Variants in SIM1 observed in about 807,000 individuals in gnomAD.
SIM1 encodes the protein single-minded homolog 1.
Under a neutral mutation model 78.2 loss-of-function variants are expected in SIM1, and 18 were observed. That is an observed-to-expected ratio of 0.23 (90% CI 0.16 to 0.34). The LOEUF is 0.34. Ranked by LOEUF, SIM1 falls within the 10% of genes least tolerant of loss-of-function variation. The probability of loss-of-function intolerance (pLI) is 1.00; values close to 1 mark genes in which losing one functional copy is unlikely to be tolerated. For synonymous variants in SIM1, 417 were observed against 385.2 expected (o/e 1.08, Z -0.97); for missense variants, 939 against 975.1 (o/e 0.96, Z 0.49).
chr6:100,412,637 A>AAAG lies in SIM1; in HGVS notation c.1167+8152_1167+8153insCTT, dbSNP rs1245667524. 2.4e-3 allele frequency among the ~76,000 whole-genome samples: 224 copies of AAAG among 91,710 alleles called. 16 individuals carry two copies. Among genetic ancestry groups the AAAG allele is most frequent in the African/African-American group, 5.3e-3 (135 of 25,466 alleles). 60.2% of individuals were successfully genotyped at this position (91,710 alleles called of 152,430 possible). On this transcript the variant is annotated intron_variant, in intron 10 of 11. Transcript: ENST00000369208. ...GAAAGAAAGAAGGAAAGAAAGAAAG[A>AAAG]AAAGAAAGAAAGAAAGAAAGAGAGA...
chr6:100,453,832 G>T lies in SIM1; in HGVS notation c.188C>A (p.Ala63Glu). The T allele has an allele frequency of 6.2e-7, 1 of 1,611,442 alleles. No individual in the cohort carries two copies. The highest frequency in any genetic ancestry group is 8.5e-7 in the Non-Finnish European group (1 of 1,178,846). The change falls in exon 3 of 12, where the codon GCG (alanine) becomes GAG (glutamate). Residue 63 changes from alanine to glutamate, a missense_variant. Around this residue, in one of 5 missense-constraint regions of SIM1, gnomAD observed 121 missense variants for 124.6 expected, o/e 0.97. Transcript: ENST00000369208. Reference sequence around the variant, plus strand: ...GCTGGTCCGACTTGAGTGGCCCCACGCCTCGCCGAGCCCTGTGGAGACACA... The same window carrying T: ...GCTGGTCCGACTTGAGTGGCCCCACTCCTCGCCGAGCCCTGTGGAGACACA... The part of the protein sequence containing the change: ...RVVFPEGLGE[A>E]WGHSSRTSPL...
chr6:100,453,734 T>G, intron 3 of SIM1, 28 bp downstream of exon 3: 1 of 1,569,868 alleles, frequency 6.4e-7, no homozygotes, highest in Non-Finnish European at 8.7e-7. Flanking sequence ...TCAAAGCTTA[T>G]GTGTTGCCGG....
chr6:100,424,188 G>C (rs765614256), intron 9 of SIM1, among the ~76,000 whole-genome samples: 4 of 149,900 alleles, frequency 2.7e-5, no homozygotes, highest in Admixed American at 6.8e-5. Context: ...TTTAAACCAA[G>C]ACATGGTTTT....
intron 2 of SIM1, among the ~76,000 whole-genome samples, chr6:100,458,436 C>T (rs1036772424): frequency 3.3e-5 from 5 of 152,100 alleles, no homozygotes; most frequent in Non-Finnish European, 5.9e-5. Context: ...CCCGCCTTCC[C>T]GGGAACTGCC....
chr6:100,417,451 T>A (rs77105307), intron 10 of SIM1, among the ~76,000 whole-genome samples: 1 of 152,232 alleles, frequency 6.6e-6, no homozygotes, highest in Non-Finnish European at 1.5e-5. Flanking sequence ...ATCTTTTTAA[T>A]GCAGGTATTC....
At chr6:100,422,266 T>A (rs747279331) in intron 9 of SIM1, among the ~76,000 whole-genome samples, 1 of 152,110 alleles carries the variant, frequency 6.6e-6, no homozygotes, top group Non-Finnish European at 1.5e-5. Flanking sequence ...TGCAGTGGCA[T>A]GATCTCAGTT....
rs149061307 is a variant in SIM1 at position 100,386,556 on chromosome 6, T to C, written c.*3805A>G. The C allele has an allele frequency of 2.8e-3, 425 of 152,204 alleles. 2 individuals are homozygous for C. Among genetic ancestry groups the C allele is most frequent in the African/African-American group, 9.6e-3 (398 of 41,550 alleles). The allele number at this position is 152,204 out of a possible 1,614,324, so 9.4% of individuals were successfully genotyped here. On this transcript the variant is annotated 3_prime_UTR_variant, in exon 12 of 12. Coordinates refer to ENST00000369208, the MANE Select transcript of SIM1 (RefSeq NM_005068.3). ...ATATTTTCCAAATGGTCTTGTACTA[T>C]AATTGATCCTCATCCCCCATAAGAA... is the stretch of plus-strand genomic sequence containing the variant.
At chr6:100,393,460 T>C (rs1054842263) in intron 11 of SIM1, 27 bp downstream of exon 11, 1 of 1,493,082 alleles carries the variant, frequency 6.7e-7, no homozygotes, top group Non-Finnish European at 8.9e-7. Context: ...ATGCTTGGAG[T>C]TCGGGAACCC....
intron 9 of SIM1, among the ~76,000 whole-genome samples, chr6:100,429,144 G>A (rs1196625898): frequency 6.6e-6 from 1 of 152,148 alleles, no homozygotes; most frequent in Non-Finnish European, 1.5e-5. Context: ...CAAGGCAGGT[G>A]GATCACTTGA....
At chr6:100,411,877 A>G (rs183045106) in intron 10 of SIM1, among the ~76,000 whole-genome samples, 10 of 152,190 alleles carry the variant, frequency 6.6e-5, no homozygotes, top group African/African-American at 2.4e-4. Context: ...GGGGCAATGC[A>G]TGCAGAAATA....
At position 100,463,616 on chromosome 6, in the gene SIM1, G is replaced by T; in HGVS notation, c.-148C>A. On this transcript the variant is annotated 5_prime_UTR_variant, in exon 2 of 12. Transcript: ENST00000369208. ...CTGAAGTATTTGCACCAAGAACAGT[G>T]TATTGATGGCAGTAAAAGACCAGCG... The T allele has an allele frequency of 1.4e-6, 1 of 707,706 alleles. No individual in the cohort carries two copies. Among genetic ancestry groups the T allele is most frequent in the Non-Finnish European group, 2.4e-6 (1 of 424,428 alleles). The allele number at this position is 707,706 out of a possible 1,614,324, so 43.8% of individuals were successfully genotyped here.
intron 3 of SIM1, 148 bp from the exon 4 acceptor site, chr6:100,450,504 G>A (rs1003890118): frequency 3.1e-6 from 2 of 651,368 alleles, no homozygotes; most frequent in Non-Finnish European, 2.7e-6. Context: ...TAGAAAACTA[G>A]CCACATGAGC....
intron 10 of SIM1, among the ~76,000 whole-genome samples, chr6:100,402,679 G>A (rs1402964920): frequency 7.2e-6 from 1 of 139,176 alleles, no homozygotes; most frequent in East Asian, 2.3e-4. Context: ...CCGGGTTCAC[G>A]CCATTCTCCT....
At chr6:100,412,998 C>T (rs1041856220) in intron 10 of SIM1, among the ~76,000 whole-genome samples, 3 of 152,272 alleles carry the variant, frequency 2.0e-5, no homozygotes, top group African/African-American at 7.2e-5. Context: ...AGCCTAGGGG[C>T]TATTGGTTCT....
At chr6:100,422,661 A>C (rs72937677) in intron 9 of SIM1, among the ~76,000 whole-genome samples, 16,812 of 152,120 alleles carry the variant, frequency 0.11, 970 homozygotes, top group East Asian at 0.15. Context: ...GAAAATCGCT[A>C]ATAGAGTAGA....
At chr6:100,439,926 T>C (rs2114529544) in intron 9 of SIM1, among the ~76,000 whole-genome samples, 1 of 152,240 alleles carries the variant, frequency 6.6e-6, no homozygotes, top group South Asian at 2.1e-4. Context: ...CTAACCAAAC[T>C]GCAGAAATCA....
chr6:100,419,968 A>T (rs1727380003), intron 10 of SIM1, among the ~76,000 whole-genome samples: 1 of 152,002 alleles, frequency 6.6e-6, no homozygotes, highest in Non-Finnish European at 1.5e-5. Context: ...CTAGCCCAGG[A>T]AGCATTTGCT....
intron 2 of SIM1, among the ~76,000 whole-genome samples, chr6:100,458,735 T>C (rs2114555989): frequency 6.6e-6 from 1 of 152,130 alleles, no homozygotes; most frequent in African/African-American, 2.4e-5. Flanking sequence ...TCGACATGAT[T>C]GTCCCCTGTC....
At chr6:100,447,508 T>A in intron 8 of SIM1, 93 bp from the exon 9 acceptor site, 8 of 1,400,160 alleles carry the variant, frequency 5.7e-6, no homozygotes, top group South Asian at 1.2e-5. Flanking sequence ...GAGGGCTCCC[T>A]GTGGGCCCTA....
Sources: gnomAD v4.1 joint callset for allele counts (sites outside exome capture counted in the v4.1 genomes callset) on GRCh38, gnomAD v4.1.1 for gene constraint, gnomAD v4.1.1 regional missense constraint, MANE v1.5 for transcripts, NCBI Gene and HGNC (gene_info 2026-07-23, HGNC 2026-07-21) for gene names.